The following PRDM10 variants were observed in gnomAD, a reference collection of about 807,000 sequenced individuals.
PRDM10 encodes the protein PR/SET domain 10.
Under a neutral mutation model 133.1 loss-of-function variants are expected in PRDM10, and 65 were observed. The observed-to-expected ratio is 0.49, with a 90% CI of 0.40 to 0.60. The LOEUF is 0.60. PRDM10 is among the 20% of genes least tolerant of loss of function. The pLI, the probability that PRDM10 is intolerant of heterozygous loss-of-function variation, is 0.00. For missense variants in PRDM10, 1,137 were observed against 1,507.1 expected, an observed-to-expected ratio of 0.75 and a Z score of 4.07; for synonymous variants, 582 against 580.4, an observed-to-expected ratio of 1.00 and a Z score of -0.04.
Position 129,918,810 on chromosome 11 carries a change from A to G in PRDM10, c.2035-92T>C. 7.9e-7 allele frequency: 1 copy of G among 1,259,494 alleles called. No homozygotes were observed. The highest frequency in any genetic ancestry group is 1.1e-6 in the Non-Finnish European group (1 of 896,720). 78.0% of individuals were successfully genotyped at this position (1,259,494 alleles called of 1,614,324 possible). ...ATTTTAAAAATCAATACAAATTAGC[A>G]GTCACCACAAGCCTCCAAGAGACAT... On this transcript the variant is annotated intron_variant, in intron 13 of 20. Transcript: ENST00000360871. The surrounding 1 kb of genome is among the most constrained non-coding windows in gnomAD (Gnocchi z 5.3).
intron 11 of PRDM10, 115 bp downstream of exon 11, chr11:129,930,890 AGCATGTGACAG>A: frequency 2.2e-6 from 3 of 1,343,508 alleles, no homozygotes; most frequent in Non-Finnish European, 2.0e-6. Flanking sequence ...AAGGGGATCG[AGCATGTGACAG>A]GCTAGATGCA....
At chr11:129,925,275 G>A (rs1950642391) in intron 11 of PRDM10, 46 bp from the exon 12 acceptor site, 3 of 1,511,114 alleles carry the variant, frequency 2.0e-6, no homozygotes, top group Non-Finnish European at 2.7e-6. Context: ...GAAATTAAGA[G>A]TGCAACTGGA....
intron 1 of PRDM10, among the ~76,000 whole-genome samples, chr11:129,967,895 T>C (rs1951939900): frequency 6.6e-6 from 1 of 152,200 alleles, no homozygotes; most frequent in African/African-American, 2.4e-5. Flanking sequence ...GTTCCCATCA[T>C]GCCCTTCACC....
At chr11:130,002,426 C>A (rs1021859122) in intron 1 of PRDM10, among the ~76,000 whole-genome samples, 1 of 152,120 alleles carries the variant, frequency 6.6e-6, no homozygotes, top group Non-Finnish European at 1.5e-5. Context: ...GGGCCTTGCC[C>A]TCTTCCCCTT....
At chr11:129,955,422 C>A in intron 4 of PRDM10, 90 bp downstream of exon 4, 1 of 1,251,928 alleles carries the variant, frequency 8.0e-7, no homozygotes, top group Admixed American at 2.1e-5. Flanking sequence ...AACAAACATC[C>A]AGAGATGGTG....
intron 19 of PRDM10, among the ~76,000 whole-genome samples, 180 bp from the exon 20 acceptor site, chr11:129,905,921 G>A (rs546527091): frequency 1.3e-5 from 2 of 152,318 alleles, no homozygotes; most frequent in African/African-American, 2.4e-5. Flanking sequence ...AGCCTGGTAC[G>A]CAGATACCCA....
intron 1 of PRDM10, among the ~76,000 whole-genome samples, chr11:129,996,931 A>T (rs1462757888): frequency 6.6e-6 from 1 of 152,172 alleles, no homozygotes; most frequent in Non-Finnish European, 1.5e-5. Flanking sequence ...TAGTTGAAAG[A>T]GTTGATAAGA....
chr11:129,931,569 T>TTC (rs1950860177), intron 10 of PRDM10, among the ~76,000 whole-genome samples: 1 of 118,316 alleles, frequency 8.5e-6, no homozygotes, highest in African/African-American at 3.5e-5. Flanking sequence ...TTATTTTATT[T>TTC]TATTTTATTT....
At chr11:129,934,842 G>A (rs963541974) in intron 9 of PRDM10, among the ~76,000 whole-genome samples, 71 of 152,088 alleles carry the variant, frequency 4.7e-4, no homozygotes, top group Non-Finnish European at 6.9e-4. Flanking sequence ...TTCCTATTTC[G>A]GAATCTCCAA....
At position 129,947,754 on chromosome 11, in the gene PRDM10, C is replaced by T. The variant is rs112707788; in HGVS notation, c.295-384G>A. The T allele has an allele frequency of 2.2e-3, 835 of 378,500 alleles. 5 individuals carry two copies. The highest frequency in any genetic ancestry group is 0.014 in the African/African-American group (681 of 48,352). 23.4% of individuals were successfully genotyped at this position (378,500 alleles called of 1,614,324 possible). ...CTGGTCTCTTCCTGGCTCATTCAGC[C>T]GTTTCACACTGCTTGAGAGGCCTGC... On this transcript the variant is annotated intron_variant, in intron 4 of 20. Transcript: ENST00000360871. The surrounding 1 kb of genome is among the most constrained non-coding windows in gnomAD (Gnocchi z 4.6).
rs1951463369 is a variant in PRDM10, at chr11:129,947,619, G to A, written c.295-249C>T. The stretch of plus-strand genomic sequence containing the variant: ...GCCCCTTCTGTCCCACACCTGGGAG[G>A]GCTGCTAAGAAGGCTCAGGTGCTCC... On this transcript the variant is annotated intron_variant, in intron 4 of 20. Transcript: ENST00000360871. This position sits in a 1 kb window ranked among gnomAD's most constrained non-coding sequence, Gnocchi z 4.6. 1.5e-6 allele frequency: 2 copies of A among 1,317,378 alleles called. No individual in the cohort carries two copies. Among genetic ancestry groups the A allele is most frequent in the Non-Finnish European group, 1.0e-6 (1 of 1,000,844 alleles). 81.6% of individuals were successfully genotyped at this position (1,317,378 alleles called of 1,614,324 possible).
intron 1 of PRDM10, among the ~76,000 whole-genome samples, chr11:129,971,274 C>G (rs911252719): frequency 7.2e-5 from 11 of 152,182 alleles, no homozygotes; most frequent in African/African-American, 2.7e-4. Flanking sequence ...ACCGCTAGCT[C>G]GGGCAGCCTG....
chr11:129,914,771 A>C lies in PRDM10; in HGVS notation c.2774T>G (p.Val925Gly). The change falls in exon 17 of 21, where the codon GTG becomes GGG. Residue 925 changes from valine (V) to glycine (G), a missense_variant. Physicochemically the swap from Val to Gly is moderately radical, Grantham distance 109. Transcript: ENST00000360871. Reference sequence around the variant, plus strand: ...CTGGAGGCCAGACGCCGACTGCGACACAGGGATGTACTGAATTCTCTGGTA... The same window carrying C: ...CTGGAGGCCAGACGCCGACTGCGACCCAGGGATGTACTGAATTCTCTGGTA... ...GDYQRIQYIP[V>G]SQSASGLQQP... The C allele has an allele frequency of 9.3e-6, 15 of 1,614,258 alleles. No individual in the cohort carries two copies. The highest frequency in any genetic ancestry group is 1.2e-5 in the Non-Finnish European group (14 of 1,180,042).
At chr11:130,000,300 C>G (rs890256419) in intron 1 of PRDM10, among the ~76,000 whole-genome samples, 2 of 152,290 alleles carry the variant, frequency 1.3e-5, no homozygotes, top group Non-Finnish European at 2.9e-5. Flanking sequence ...CGCCTCGCCT[C>G]CCAAAGTGCT....
At chr11:129,951,903 T>C (rs1217652041) in intron 4 of PRDM10, among the ~76,000 whole-genome samples, 1 of 149,996 alleles carries the variant, frequency 6.7e-6, no homozygotes, top group Non-Finnish European at 1.5e-5. Context: ...GAAAATATAA[T>C]GGGAACCTTT....
intron 8 of PRDM10, 38 bp from the exon 9 acceptor site, chr11:129,935,256 C>A: frequency 6.8e-7 from 1 of 1,471,342 alleles, no homozygotes; most frequent in South Asian, 1.1e-5. Flanking sequence ...GGCTGATGAC[C>A]AATAGACACC....
Position 129,957,963 on chromosome 11 carries a change from C to G in PRDM10, c.70-53G>C, listed in dbSNP as rs552994374. The G allele has an allele frequency of 4.5e-6, 7 of 1,538,766 alleles. No homozygotes were observed. The African/African-American group carries it at 9.5e-5, about 21-fold the overall frequency. Reference sequence around the variant, plus strand: ...AATCAGTATCAGGAAGGTAAGTGATCAACAAGCACACCTGGGTTTCTAAAA... The same window carrying G: ...AATCAGTATCAGGAAGGTAAGTGATGAACAAGCACACCTGGGTTTCTAAAA... On this transcript the variant is annotated intron_variant, in intron 2 of 20. Transcript: ENST00000360871.
At chr11:129,969,493 G>A (rs1462947142) in intron 1 of PRDM10, among the ~76,000 whole-genome samples, 3 of 152,076 alleles carry the variant, frequency 2.0e-5, no homozygotes, top group East Asian at 1.9e-4. Context: ...AAGAATATTA[G>A]ATATTTAACA....
At chr11:129,957,568 C>T (rs939591832) in intron 3 of PRDM10, among the ~76,000 whole-genome samples, 178 bp downstream of exon 3, 5 of 152,284 alleles carry the variant, frequency 3.3e-5, no homozygotes, top group East Asian at 1.9e-4. Context: ...CCACCTGCCT[C>T]GGCCTCCCAA....
Sources: allele counts gnomAD v4.1 joint callset (sites outside exome capture counted in the v4.1 genomes callset), GRCh38; gene constraint gnomAD v4.1.1; non-coding constraint Gnocchi (gnomAD v3.1); transcripts MANE v1.5; gene names NCBI Gene and HGNC (gene_info 2026-07-23, HGNC 2026-07-21).